The following RPS6KA2 variants were observed in gnomAD, a reference collection of about 807,000 sequenced individuals.
RPS6KA2 encodes the protein ribosomal protein S6 kinase alpha-2.
Under a neutral mutation model 91.8 loss-of-function variants are expected in RPS6KA2, and 42 were observed. The observed-to-expected ratio is 0.46, with a 90% confidence interval of 0.36 to 0.59. The LOEUF (loss-of-function observed/expected upper bound fraction) is 0.59, where lower values mean the gene tolerates loss of function less well. Ranked by LOEUF, RPS6KA2 falls within the 20% of genes least tolerant of loss-of-function variation. The probability of loss-of-function intolerance (pLI) is 0.00; values close to 1 mark genes in which losing one functional copy is unlikely to be tolerated. For synonymous variants in RPS6KA2, 414 were observed against 393.6 expected (o/e 1.05, Z -0.61); for missense variants, 798 against 978.5 (o/e 0.82, Z 2.46).
chr6:166,716,401 C>T lies in RPS6KA2; in HGVS notation c.123+141799G>A, dbSNP rs184708281. 5.3e-5 allele frequency among the ~76,000 whole-genome samples: 8 copies of T among 152,332 alleles called. No homozygotes were observed. In the East Asian group the frequency reaches 9.7e-4, roughly 18 times the overall value. ...TGTCCCGGCAGCTCAGCCTGTCCTG[C>T]GAGGCAGCCCCCATCCTGGCCAGGA... On this transcript the variant is annotated intron_variant, in intron 2 of 21. Transcript: ENST00000503859.
At chr6:166,614,170 G>T (rs2128535355) in intron 1 of RPS6KA2, among the ~76,000 whole-genome samples, 1 of 152,308 alleles carries the variant, frequency 6.6e-6, no homozygotes, top group East Asian at 1.9e-4. Flanking sequence ...GCCACTCATG[G>T]CTCCCTGCCA....
chr6:166,781,572 G>A (rs1562435669), intron 2 of RPS6KA2, among the ~76,000 whole-genome samples: 1 of 152,206 alleles, frequency 6.6e-6, no homozygotes. Flanking sequence ...ATGCACCTAA[G>A]TTGGGCAGAT....
chr6:166,638,043 G>A lies in RPS6KA2; in HGVS notation c.124-99259C>T, dbSNP rs189381574. 3.0e-3 allele frequency among the ~76,000 whole-genome samples: 464 copies of A among 152,396 alleles called. 1 individual carries two copies. Among genetic ancestry groups the A allele is most frequent in the African/African-American group, 0.01 (430 of 41,594 alleles). On this transcript the variant is annotated intron_variant, in intron 2 of 21. Transcript: ENST00000503859. Reference sequence around the variant, plus strand: ...ACAGCCAGCCTTCGCCCAGGGGCACGGCCTCGGTTCACCGCCTGTGTGAAA... The same window carrying A: ...ACAGCCAGCCTTCGCCCAGGGGCACAGCCTCGGTTCACCGCCTGTGTGAAA...
intron 19 of RPS6KA2, among the ~76,000 whole-genome samples, chr6:166,417,175 G>C (rs1253001135): frequency 6.6e-6 from 1 of 152,196 alleles, no homozygotes; most frequent in Non-Finnish European, 1.5e-5. Context: ...CAAATTCAAA[G>C]TATTTTACAA....
chr6:166,489,728 C>T (rs951736766), intron 9 of RPS6KA2, among the ~76,000 whole-genome samples: 10 of 152,224 alleles, frequency 6.6e-5, no homozygotes, highest in African/African-American at 2.4e-4. Flanking sequence ...AAAGACACTC[C>T]TTAGCTTGAC....
At chr6:166,622,295 C>T (rs923432933) in intron 1 of RPS6KA2, among the ~76,000 whole-genome samples, 3 of 152,034 alleles carry the variant, frequency 2.0e-5, no homozygotes, top group African/African-American at 7.3e-5. Flanking sequence ...AAGCATAAGG[C>T]ATATCACAGA....
intron 2 of RPS6KA2, among the ~76,000 whole-genome samples, chr6:166,671,786 G>T (rs1455136140): frequency 6.6e-6 from 1 of 152,188 alleles, no homozygotes; most frequent in East Asian, 1.9e-4. Flanking sequence ...TGGGAGGGAA[G>T]GGTGGAGCTG....
At chr6:166,507,180 C>A (rs1782260185) in intron 5 of RPS6KA2, among the ~76,000 whole-genome samples, 1 of 152,070 alleles carries the variant, frequency 6.6e-6, no homozygotes, top group East Asian at 1.9e-4. Context: ...AAAGTGAGAC[C>A]CTGTGAGAGT....
intron 2 of RPS6KA2, among the ~76,000 whole-genome samples, chr6:166,677,560 T>C (rs1472502344): frequency 6.6e-6 from 1 of 152,134 alleles, no homozygotes; most frequent in African/African-American, 2.4e-5. Flanking sequence ...AAGGCCAGGC[T>C]GGTCTCAAAT....
chr6:166,595,436 C>T (rs1461209936), intron 1 of RPS6KA2, among the ~76,000 whole-genome samples: 1 of 152,220 alleles, frequency 6.6e-6, no homozygotes, highest in Non-Finnish European at 1.5e-5. Flanking sequence ...AGTTCAACGA[C>T]AGCAAAGCTG....
At position 166,821,050 on chromosome 6, in the gene RPS6KA2, T is replaced by G. The variant is rs774590818; in HGVS notation, c.123+37150A>C. Among the ~76,000 whole-genome samples, 1 of 152,170 alleles carries G rather than the reference T, an allele frequency of 6.6e-6. No homozygotes were observed. Among genetic ancestry groups the G allele is most frequent in the African/African-American group, 2.4e-5 (1 of 41,438 alleles). On this transcript the variant is annotated intron_variant, in intron 2 of 21. Transcript: ENST00000503859. The surrounding 1 kb of genome is among the most constrained non-coding windows in gnomAD (Gnocchi z 4.1). ...GGGACAAGCAGGTGTCTTGGAATGA[T>G]GGGTCCAGGGCTATAGGGATTTGGA...
chr6:166,516,207 T>A (rs1195077511), intron 3 of RPS6KA2, among the ~76,000 whole-genome samples: 1 of 152,022 alleles, frequency 6.6e-6, no homozygotes, highest in Non-Finnish European at 1.5e-5. Flanking sequence ...ATTGCCCACC[T>A]CTCCCCCGTT....
rs543334420 is a variant in RPS6KA2 at position 166,464,163 on chromosome 6, A to G, written c.973-4612T>C. ...CTCTGCGCCATACTGCAAATACTCCACTTGTGGGCAAGAAGACCAAAGTGG... is the reference window on the plus strand; with the variant it reads ...CTCTGCGCCATACTGCAAATACTCCGCTTGTGGGCAAGAAGACCAAAGTGG... On this transcript the variant is annotated intron_variant, in intron 11 of 20. Coordinates refer to ENST00000265678, the MANE Select transcript of RPS6KA2 (RefSeq NM_021135.6). Among the ~76,000 whole-genome samples, 59 of 152,090 alleles carry G rather than the reference A, an allele frequency of 3.9e-4. No individual in the cohort carries two copies. In the Middle Eastern group the frequency reaches 0.027, roughly 70 times the overall value.
chr6:166,587,412 T>G (rs941528051), intron 1 of RPS6KA2, among the ~76,000 whole-genome samples: 1 of 152,198 alleles, frequency 6.6e-6, no homozygotes, highest in Non-Finnish European at 1.5e-5. Context: ...GACAAGCTCC[T>G]CACCCGTCCT....
Position 166,680,100 on chromosome 6 carries a change from C to T in RPS6KA2, c.124-141316G>A, listed in dbSNP as rs116805845. Reference sequence around the variant, plus strand: ...CAATCAGCACTCTGTGTCTAGCTAACGGTTTGTAAACGTGCCAATCAGCAC... The same window carrying T: ...CAATCAGCACTCTGTGTCTAGCTAATGGTTTGTAAACGTGCCAATCAGCAC... On this transcript the variant is annotated intron_variant, in intron 2 of 21. Transcript: ENST00000503859. 5.6e-3 allele frequency among the ~76,000 whole-genome samples: 847 copies of T among 151,892 alleles called. 9 individuals carry two copies. The highest frequency in any genetic ancestry group is 0.019 in the African/African-American group (804 of 41,388).
At chr6:166,530,239 C>G (rs1783218143) in intron 3 of RPS6KA2, among the ~76,000 whole-genome samples, 1 of 152,234 alleles carries the variant, frequency 6.6e-6, no homozygotes, top group Admixed American at 6.5e-5. Context: ...GCTCCCTGCT[C>G]TGCCAAGTGT....
chr6:166,854,177 G>A (rs1780825178), intron 2 of RPS6KA2, among the ~76,000 whole-genome samples: 1 of 152,124 alleles, frequency 6.6e-6, no homozygotes, highest in African/African-American at 2.4e-5. Flanking sequence ...GAGGGAGGAG[G>A]CCGTTCCCTC....
intron 1 of RPS6KA2, among the ~76,000 whole-genome samples, chr6:166,541,618 G>T (rs1423668317): frequency 3.3e-5 from 5 of 152,170 alleles, no homozygotes; most frequent in African/African-American, 1.2e-4. Context: ...TTTTAGGCTG[G>T]CTTCACGCCT....
chr6:166,790,571 C>G (rs1478961834), intron 2 of RPS6KA2, among the ~76,000 whole-genome samples: 2 of 151,978 alleles, frequency 1.3e-5, no homozygotes, highest in Non-Finnish European at 2.9e-5. Context: ...TCAGATTCAC[C>G]AAAGTTGAAA....
Sources: allele counts gnomAD v4.1 joint callset (sites outside exome capture counted in the v4.1 genomes callset), GRCh38; gene constraint gnomAD v4.1.1; non-coding constraint Gnocchi (gnomAD v3.1); transcripts MANE v1.5; gene names NCBI Gene and HGNC (gene_info 2026-07-23, HGNC 2026-07-21).